The following LZTFL1 variants were observed in gnomAD, a reference collection of about 807,000 sequenced individuals.
The protein encoded by LZTFL1 is leucine zipper transcription factor-like protein 1.
LZTFL1 carries 25 observed loss-of-function variants against 45.9 expected under a neutral mutation model. The observed-to-expected ratio is 0.54, with a 90% CI of 0.40 to 0.76. The LOEUF (loss-of-function observed/expected upper bound fraction) is 0.76. Ranked by LOEUF, LZTFL1 falls within the 30% of genes least tolerant of loss-of-function variation. The pLI is 0.00. For missense variants in LZTFL1, 277 were observed against 331.1 expected (o/e 0.84, Z 1.27); for synonymous variants, 93 against 117.4 (o/e 0.79, Z 1.35).
intron 1 of LZTFL1, among the ~76,000 whole-genome samples, chr3:45,915,012 T>C (rs1702870006): frequency 6.6e-6 from 1 of 152,068 alleles, no homozygotes; most frequent in Non-Finnish European, 1.5e-5. Context: ...TGCAGGGCCC[T>C]GTTTGTGAAA....
chr3:45,897,591 C>T, intron 2 of LZTFL1: 1 of 1,535,812 alleles, frequency 6.5e-7, no homozygotes, highest in Non-Finnish European at 8.7e-7. Flanking sequence ...AGATCACCTT[C>T]CCTCGCTGGC....
intron 2 of LZTFL1, among the ~76,000 whole-genome samples, chr3:45,910,501 A>C (rs558407051): frequency 1.3e-5 from 2 of 152,252 alleles, no homozygotes; most frequent in East Asian, 3.9e-4. Context: ...TGAGGTCAAG[A>C]GAGAGTGGAG....
chr3:45,855,833 C>T (rs1701384194), intron 3 of LZTFL1, among the ~76,000 whole-genome samples: 1 of 152,058 alleles, frequency 6.6e-6, no homozygotes, highest in East Asian at 1.9e-4. Flanking sequence ...CCTAGGAATA[C>T]AGAAAACAAG....
intron 2 of LZTFL1, among the ~76,000 whole-genome samples, chr3:45,897,828 G>A (rs1054092090): frequency 8.5e-5 from 13 of 152,120 alleles, no homozygotes; most frequent in South Asian, 6.2e-4. Flanking sequence ...GCTACCTGGA[G>A]CTGCAGCAGG....
At chr3:45,842,631 T>C (rs373683369), upstream of LZTFL1, among the ~76,000 whole-genome samples, 1 of 152,208 alleles carries the variant, frequency 6.6e-6, no homozygotes, top group African/African-American at 2.4e-5. Context: ...TCTTCTCTTA[T>C]ATTTCCAGCT....
chr3:45,901,289 G>A lies in LZTFL1; in HGVS notation c.-215+11831C>T, dbSNP rs370914315. 6 of 1,614,180 alleles carry A rather than the reference G, an allele frequency of 3.7e-6. No individual in the cohort carries two copies. Among genetic ancestry groups the A allele is most frequent in the Non-Finnish European group, 5.1e-6 (6 of 1,180,026 alleles). On this transcript the variant is annotated intron_variant, in intron 2 of 4. Coordinates refer to the LZTFL1 transcript ENST00000472635. This position sits in a 1 kb window ranked among gnomAD's most constrained non-coding sequence, Gnocchi z 4.3. Reference sequence around the variant, plus strand: ...AGAAAAGGCTTTTGTACAGCAAAATGGTTTGCTTTACCATCTGGGTATTGG... The same window carrying A: ...AGAAAAGGCTTTTGTACAGCAAAATAGTTTGCTTTACCATCTGGGTATTGG...
intron 2 of LZTFL1, among the ~76,000 whole-genome samples, chr3:45,889,800 T>C (rs1702092223): frequency 6.6e-6 from 1 of 152,092 alleles, no homozygotes; most frequent in Admixed American, 6.6e-5. Flanking sequence ...GTTTATTGGC[T>C]ACACATGGTT....
Position 45,901,040 on chromosome 3 carries a change from C to A in LZTFL1, c.-215+12080G>T. The A allele has an allele frequency of 1.2e-6, 2 of 1,614,214 alleles. No homozygotes were observed. The highest frequency in any genetic ancestry group is 1.7e-6 in the Non-Finnish European group (2 of 1,180,028). On this transcript the variant is annotated intron_variant, in intron 2 of 4. Transcript: ENST00000472635. The surrounding 1 kb of genome is among the most constrained non-coding windows in gnomAD (Gnocchi z 4.3). ...GCACAAGAGTGAAGACCATGACCGA[C>A]ATGTTCCTTTTGAATTTGGCAATTG...
At chr3:45,846,116 G>A (rs370886498), upstream of LZTFL1, among the ~76,000 whole-genome samples, 1 of 152,196 alleles carries the variant, frequency 6.6e-6, no homozygotes, top group Non-Finnish European at 1.5e-5. Flanking sequence ...CTGGGTTCCA[G>A]ATACTGTGTT....
chr3:45,823,648 G>A lies in LZTFL1; in HGVS notation c.*2666C>T, dbSNP rs1700596261. Reference sequence around the variant, plus strand: ...AAAATGGTTTTGTCAAAATATTATTGTCTAAATACTACTGTTTTGTCTAAA... The same window carrying A: ...AAAATGGTTTTGTCAAAATATTATTATCTAAATACTACTGTTTTGTCTAAA... On this transcript the variant is annotated 3_prime_UTR_variant, in exon 10 of 10. Coordinates refer to ENST00000296135, the MANE Select transcript of LZTFL1 (RefSeq NM_020347.4). The A allele has an allele frequency of 6.6e-6, 1 of 152,140 alleles. No homozygotes were observed. The allele number at this position is 152,140 out of a possible 1,614,324, so 9.4% of individuals were successfully genotyped here.
rs1216194092 is a variant in LZTFL1, at chr3:45,833,133, TAAAG to T, written c.385-16_385-13del. The stretch of plus-strand genomic sequence containing the variant: ...ACATCTAAGATGGGCTGAAACAAAA[TAAAG>T]AAACCAAACTGAAATCACCACAGAA... On this transcript the variant is annotated splice_polypyrimidine_tract_variant and intron_variant, in intron 4 of 9. Transcript: ENST00000296135. 4 of 1,600,304 alleles carry T rather than the reference TAAAG, an allele frequency of 2.5e-6. No individual in the cohort carries two copies. The African/African-American group carries it at 4.0e-5, about 16-fold the overall frequency.
intron 2 of LZTFL1, among the ~76,000 whole-genome samples, chr3:45,883,232 G>T (rs1431569954): frequency 1.3e-5 from 2 of 152,194 alleles, no homozygotes; most frequent in Non-Finnish European, 2.9e-5. Context: ...TTTTATTCAT[G>T]AATTAACAGT....
At chr3:45,865,489 ACT>A (rs939113644) in intron 2 of LZTFL1, among the ~76,000 whole-genome samples, 1 of 152,236 alleles carries the variant, frequency 6.6e-6, no homozygotes, top group Non-Finnish European at 1.5e-5. Context: ...ACATGCACAG[ACT>A]CTTGCAAAGA....
chr3:45,874,941 TTTCTAGC>T (rs1575282276), intron 2 of LZTFL1, among the ~76,000 whole-genome samples: 1 of 152,226 alleles, frequency 6.6e-6, no homozygotes, highest in East Asian at 1.9e-4. Flanking sequence ...CCTAGTTAAC[TTTCTAGC>T]TGGCTACAAA....
intron 3 of LZTFL1, among the ~76,000 whole-genome samples, chr3:45,855,797 G>T (rs911454499): frequency 6.6e-6 from 1 of 152,018 alleles, no homozygotes. Flanking sequence ...ATTCCCATTC[G>T]CAATTGCTAC....
intron 4 of LZTFL1, among the ~76,000 whole-genome samples, chr3:45,850,662 A>G (rs1701293511): frequency 6.6e-6 from 1 of 152,142 alleles, no homozygotes; most frequent in Admixed American, 6.5e-5. Flanking sequence ...TGATGTCCTG[A>G]GATCATCAGC....
chr3:45,884,284 A>G (rs936703564), intron 2 of LZTFL1, among the ~76,000 whole-genome samples: 5 of 152,192 alleles, frequency 3.3e-5, no homozygotes, highest in African/African-American at 4.8e-5. Flanking sequence ...AAACAAGAGG[A>G]TAGGGCTTTT....
At position 45,901,933 on chromosome 3, in the gene LZTFL1, GA is replaced by G; in HGVS notation, c.-215+11186del. 1.3e-6 allele frequency: 2 copies of G among 1,511,782 alleles called. No homozygotes were observed. The highest frequency in any genetic ancestry group is 2.6e-5 in the South Asian group (2 of 75,658). 93.6% of individuals were successfully genotyped at this position (1,511,782 alleles called of 1,614,324 possible). A position where few individuals can be genotyped will look rare whatever the true frequency, so the allele number is the denominator to read the frequency against. On this transcript the variant is annotated intron_variant, in intron 2 of 4. Transcript: ENST00000472635. The surrounding 1 kb of genome is among the most constrained non-coding windows in gnomAD (Gnocchi z 4.3). ...TCTGAGGTGCATGGTTCTTTTGGAAGAAATGAGAAATACAGAAACAGTTTCC... is the reference window on the plus strand; with the variant it reads ...TCTGAGGTGCATGGTTCTTTTGGAAGAATGAGAAATACAGAAACAGTTTCC...
chr3:45,845,216 A>G (rs1164598058), upstream of LZTFL1, among the ~76,000 whole-genome samples: 1 of 152,228 alleles, frequency 6.6e-6, no homozygotes, highest in Non-Finnish European at 1.5e-5. Flanking sequence ...AAATCTGGAT[A>G]CTCGCAAGAC....
Sources: gnomAD v4.1 joint callset for allele counts (sites outside exome capture counted in the v4.1 genomes callset) on GRCh38, gnomAD v4.1.1 for gene constraint, Gnocchi (gnomAD v3.1) non-coding constraint, MANE v1.5 for transcripts, NCBI Gene and HGNC (gene_info 2026-07-23, HGNC 2026-07-21) for gene names.